The following SUGCT variants were observed in gnomAD, a reference collection of about 807,000 sequenced individuals.
SUGCT encodes the protein succinyl-CoA:glutarate CoA-transferase.
SUGCT carries 41 observed loss-of-function variants against 55.0 expected under a neutral mutation model. The ratio of observed to expected loss-of-function variants is 0.74; its 90% CI spans 0.58 to 0.97. The LOEUF (loss-of-function observed/expected upper bound fraction) is 0.97, where lower values mean the gene tolerates loss of function less well. Ranked by LOEUF, SUGCT falls within the 50% of genes least tolerant of loss-of-function variation. The pLI, the probability that SUGCT is intolerant of heterozygous loss-of-function variation, is 0.00. For synonymous variants in SUGCT, 187 were observed against 200.4 expected, an observed-to-expected ratio of 0.93 and a Z score of 0.56; for missense variants, 568 against 547.8, an observed-to-expected ratio of 1.04 and a Z score of -0.37.
At chr7:40,406,160 C>G (rs1786359942) in intron 9 of SUGCT, among the ~76,000 whole-genome samples, 1 of 152,142 alleles carries the variant, frequency 6.6e-6, no homozygotes, top group Non-Finnish European at 1.5e-5. Context: ...AAGCTGTCTT[C>G]TTGCTGAGTC....
intron 9 of SUGCT, among the ~76,000 whole-genome samples, chr7:40,359,164 C>CATGT (rs112419807): frequency 1.6e-3 from 240 of 151,904 alleles, no homozygotes; most frequent in South Asian, 2.5e-3. Context: ...TATGTATGTA[C>CATGT]ATGTATGTAT....
chr7:40,939,187 G>A, the SUGCT span, among the ~76,000 whole-genome samples: 8 of 152,266 alleles, frequency 5.3e-5, no homozygotes, highest in African/African-American at 1.9e-4. Context: ...TACTTGGATG[G>A]CAGCAGGCAA....
intron 13 of SUGCT, among the ~76,000 whole-genome samples, chr7:40,777,545 G>C (rs1789525854): frequency 6.6e-6 from 1 of 151,716 alleles, no homozygotes; most frequent in Non-Finnish European, 1.5e-5. Context: ...TAATGATTTT[G>C]GAAGAAGAAT....
At chr7:41,029,801 C>T in the SUGCT span, among the ~76,000 whole-genome samples, 7 of 152,242 alleles carry the variant, frequency 4.6e-5, no homozygotes, top group African/African-American at 1.7e-4. Context: ...ACTCTTTGTG[C>T]TGTATATTCT....
chr7:40,823,209 A>T (rs1327872322), intron 13 of SUGCT, among the ~76,000 whole-genome samples: 1 of 152,134 alleles, frequency 6.6e-6, no homozygotes, highest in Non-Finnish European at 1.5e-5. Flanking sequence ...TTTTAATACC[A>T]GAGATAATCC....
intron 13 of SUGCT, among the ~76,000 whole-genome samples, chr7:40,764,983 A>G (rs1436844108): frequency 6.6e-6 from 1 of 152,174 alleles, no homozygotes; most frequent in African/African-American, 2.4e-5. Flanking sequence ...TATAATCAGA[A>G]TGGTATAGTG....
At chr7:40,772,977 T>A (rs920466734) in intron 13 of SUGCT, among the ~76,000 whole-genome samples, 2 of 152,242 alleles carry the variant, frequency 1.3e-5, no homozygotes, top group Non-Finnish European at 2.9e-5. Context: ...ATAAAACAAC[T>A]TCCTCACTTT....
intron 13 of SUGCT, among the ~76,000 whole-genome samples, chr7:40,858,155 C>G (rs1031093521): frequency 6.6e-6 from 1 of 152,016 alleles, no homozygotes; most frequent in Non-Finnish European, 1.5e-5. Context: ...TACATAAAGC[C>G]TTTGGTGCAG....
At chr7:41,016,812 C>T in the SUGCT span, among the ~76,000 whole-genome samples, 1 of 152,166 alleles carries the variant, frequency 6.6e-6, no homozygotes, top group Non-Finnish European at 1.5e-5. Context: ...CTCTGGCTTC[C>T]TGCGTCTTGT....
chr7:40,439,788 C>T (rs1292717118), intron 9 of SUGCT, among the ~76,000 whole-genome samples: 2 of 152,196 alleles, frequency 1.3e-5, no homozygotes, highest in African/African-American at 2.4e-5. Flanking sequence ...AGTCCGTGCT[C>T]ATCCCTGCGC....
At chr7:40,817,364 G>A (rs990605678) in intron 13 of SUGCT, among the ~76,000 whole-genome samples, 2 of 152,082 alleles carry the variant, frequency 1.3e-5, no homozygotes, top group Non-Finnish European at 1.5e-5. Context: ...CAAGTCACTG[G>A]GGAGTCGGGG....
At chr7:40,287,682 A>G (rs764630990) in intron 8 of SUGCT, among the ~76,000 whole-genome samples, 1 of 152,020 alleles carries the variant, frequency 6.6e-6, no homozygotes, top group Non-Finnish European at 1.5e-5. Context: ...GAATTTTAAT[A>G]GAGATGGGGT....
chr7:40,653,410 T>G (rs1426696792), intron 12 of SUGCT, among the ~76,000 whole-genome samples: 1 of 152,186 alleles, frequency 6.6e-6, no homozygotes, highest in Non-Finnish European at 1.5e-5. Context: ...TTTTCCAAAA[T>G]AAAAACTTCT....
chr7:40,550,765 G>T (rs1264544393), intron 12 of SUGCT, among the ~76,000 whole-genome samples: 1 of 152,132 alleles, frequency 6.6e-6, no homozygotes, highest in Admixed American at 6.5e-5. Context: ...CCATTGTTCT[G>T]TTCTTTTTCC....
the SUGCT span, among the ~76,000 whole-genome samples, chr7:40,898,639 G>C: frequency 3.3e-5 from 5 of 152,050 alleles, no homozygotes; most frequent in South Asian, 4.2e-4. Context: ...TAGGAGAATG[G>C]CGTGAACCGT....
chr7:40,801,444 A>G (rs1790811167), intron 13 of SUGCT, among the ~76,000 whole-genome samples: 2 of 152,188 alleles, frequency 1.3e-5, no homozygotes, highest in Non-Finnish European at 2.9e-5. Flanking sequence ...ATGTTACCCT[A>G]ACATCTTGCC....
chr7:40,940,569 G>A, the SUGCT span, among the ~76,000 whole-genome samples: 795 of 152,032 alleles, frequency 5.2e-3, 6 homozygotes, highest in African/African-American at 0.018. Context: ...GCAGTGTTTG[G>A]TAGTTCTCCT....
chr7:41,002,396 G>A, the SUGCT span, among the ~76,000 whole-genome samples: 2 of 152,164 alleles, frequency 1.3e-5, no homozygotes, highest in Non-Finnish European at 2.9e-5. Context: ...GTGGAGAAGA[G>A]GTGAAAAAGC....
At chr7:40,368,664 A>T (rs1784133099) in intron 9 of SUGCT, among the ~76,000 whole-genome samples, 1 of 152,128 alleles carries the variant, frequency 6.6e-6, no homozygotes, top group African/African-American at 2.4e-5. Flanking sequence ...ACTCTAATTT[A>T]CCACTACTCT....
Sources: allele counts gnomAD v4.1 joint callset (sites outside exome capture counted in the v4.1 genomes callset), GRCh38; gene constraint gnomAD v4.1.1; transcripts MANE v1.5; gene names NCBI Gene and HGNC (gene_info 2026-07-23, HGNC 2026-07-21).